GPHN: variants seen among roughly 807,000 people sequenced by gnomAD.
GPHN encodes gephyrin.
GPHN carries 17 observed loss-of-function variants against 95.5 expected under a neutral mutation model. That is an observed-to-expected ratio of 0.18 (90% confidence interval 0.12 to 0.27). The LOEUF is 0.27. Among genes scored for constraint, GPHN ranks in the 10% least tolerant of loss-of-function variants. The pLI, the probability that GPHN is intolerant of heterozygous loss-of-function variation, is 1.00. For missense variants in GPHN, 660 were observed against 978.1 expected (o/e 0.67, Z 4.34); for synonymous variants, 320 against 322.5 (o/e 0.99, Z 0.08).
the GPHN span, chr14:67,646,331 C>T: frequency 3.1e-6 from 1 of 317,902 alleles, no homozygotes; most frequent in African/African-American, 2.2e-5. Context: ...GTAAACAAGT[C>T]AGTAATGTGC....
At chr14:67,385,596 C>T in the GPHN span, 1 of 150,892 alleles carries the variant, frequency 6.6e-6, no homozygotes, top group Non-Finnish European at 1.5e-5. Context: ...CTCATTTATG[C>T]ATAAATTAAT....
intron 1 of GPHN, among the ~76,000 whole-genome samples, chr14:66,601,289 G>A (rs1423020009): frequency 6.6e-6 from 1 of 152,034 alleles, no homozygotes; most frequent in Non-Finnish European, 1.5e-5. Context: ...TGGATATTCA[G>A]AGGGAAGATT....
chr14:67,218,922 C>T, the GPHN span, among the ~76,000 whole-genome samples: 2 of 151,996 alleles, frequency 1.3e-5, no homozygotes, highest in South Asian at 2.1e-4. Flanking sequence ...AAAGCCACAG[C>T]AGATCCTGGC....
the GPHN span, among the ~76,000 whole-genome samples, chr14:67,277,312 A>C: frequency 6.6e-6 from 1 of 152,172 alleles, no homozygotes; most frequent in Non-Finnish European, 1.5e-5. Context: ...AATTTTAAGC[A>C]AATGTAGTTT....
At chr14:67,347,827 C>T in the GPHN span, among the ~76,000 whole-genome samples, 1 of 152,028 alleles carries the variant, frequency 6.6e-6, no homozygotes, top group East Asian at 1.9e-4. Flanking sequence ...TCACTGTTTT[C>T]TGTGTTTCTT....
At chr14:66,789,767 G>A (rs1266793227) in intron 3 of GPHN, among the ~76,000 whole-genome samples, 1 of 152,128 alleles carries the variant, frequency 6.6e-6, no homozygotes, top group Non-Finnish European at 1.5e-5. Context: ...GTGAGGGGTG[G>A]GGACATCATC....
chr14:67,225,780 G>A, the GPHN span, among the ~76,000 whole-genome samples: 8 of 152,202 alleles, frequency 5.3e-5, no homozygotes, highest in African/African-American at 1.4e-4. Flanking sequence ...AAGTTTGTTC[G>A]AAACACCAGC....
the GPHN span, chr14:67,695,670 G>A: frequency 2.8e-5 from 45 of 1,614,092 alleles, no homozygotes; most frequent in Non-Finnish European, 3.6e-5. Context: ...AAGGGCAGAA[G>A]GAGGAGCAAC....
intron 10 of GPHN, among the ~76,000 whole-genome samples, chr14:67,051,573 T>G (rs1166787308): frequency 2.0e-5 from 3 of 152,054 alleles, no homozygotes; most frequent in Non-Finnish European, 4.4e-5. Flanking sequence ...CCTAGCAAGA[T>G]AGGCCAACAT....
At chr14:66,517,367 A>C (rs1031519291) in intron 1 of GPHN, among the ~76,000 whole-genome samples, 31 of 152,306 alleles carry the variant, frequency 2.0e-4, no homozygotes, top group African/African-American at 7.0e-4. Context: ...ACCCAAAGCA[A>C]TCTACAGATT....
At chr14:67,119,555 C>T (rs1348827402) in intron 16 of GPHN, among the ~76,000 whole-genome samples, 2 of 151,676 alleles carry the variant, frequency 1.3e-5, no homozygotes, top group African/African-American at 4.8e-5. Context: ...TTTGGGAGGC[C>T]GAGGTGGGCG....
At chr14:66,960,800 T>C (rs1488006372) in intron 8 of GPHN, among the ~76,000 whole-genome samples, 1 of 152,096 alleles carries the variant, frequency 6.6e-6, no homozygotes, top group Non-Finnish European at 1.5e-5. Context: ...TGCCCAGCCC[T>C]GGGCATAAAC....
chr14:66,939,020 T>C (rs1329081851), intron 8 of GPHN, among the ~76,000 whole-genome samples: 1 of 152,196 alleles, frequency 6.6e-6, no homozygotes, highest in Non-Finnish European at 1.5e-5. Flanking sequence ...AACTTTTATC[T>C]AACACCATAT....
At chr14:67,519,872 G>A in the GPHN span, among the ~76,000 whole-genome samples, 4 of 152,066 alleles carry the variant, frequency 2.6e-5, no homozygotes, top group Admixed American at 1.3e-4. Flanking sequence ...ACAGGCGTAC[G>A]CCACCATGCC....
At chr14:66,897,146 T>G (rs1482267898) in intron 5 of GPHN, among the ~76,000 whole-genome samples, 1 of 152,150 alleles carries the variant, frequency 6.6e-6, no homozygotes, top group African/African-American at 2.4e-5. Flanking sequence ...TTTTTTCCAG[T>G]GGTAACATCT....
the GPHN span, among the ~76,000 whole-genome samples, chr14:67,218,004 G>A: frequency 2.0e-5 from 3 of 152,116 alleles, no homozygotes; most frequent in African/African-American, 7.2e-5. Flanking sequence ...TTGGTTCTAA[G>A]TGGATGCAAC....
the GPHN span, chr14:67,360,186 A>C: frequency 2.5e-6 from 1 of 403,976 alleles, no homozygotes; most frequent in Non-Finnish European, 4.4e-6. Flanking sequence ...ACTTAGCTAA[A>C]GCTAAGATAG....
At chr14:66,714,991 T>C (rs539658547) in intron 2 of GPHN, among the ~76,000 whole-genome samples, 63 of 152,322 alleles carry the variant, frequency 4.1e-4, no homozygotes, top group Admixed American at 1.0e-3. Context: ...GTTGGCTTCA[T>C]AGAATGAATT....
intron 1 of GPHN, among the ~76,000 whole-genome samples, chr14:66,572,283 G>GGAGAC: frequency 6.6e-6 from 1 of 152,256 alleles, no homozygotes; most frequent in Non-Finnish European, 1.5e-5. Context: ...CTAAATCTGT[G>GGAGAC]AAAAATGCCA....
Sources: gnomAD v4.1 joint callset for allele counts (sites outside exome capture counted in the v4.1 genomes callset) on GRCh38, gnomAD v4.1.1 for gene constraint, MANE v1.5 for transcripts, NCBI Gene and HGNC (gene_info 2026-07-23, HGNC 2026-07-21) for gene names.